Variants in ZGRF1 observed in about 807,000 individuals in gnomAD.
ZGRF1 encodes zinc finger GRF-type containing 1, also known as 5'-3' DNA helicase ZGRF1.
A neutral mutation model predicts 203.5 loss-of-function variants in ZGRF1; 196 were observed. The observed-to-expected ratio is 0.96, with a 90% CI of 0.86 to 1.08. The LOEUF (loss-of-function observed/expected upper bound fraction) is 1.08, where lower values mean the gene tolerates loss of function less well. Among genes scored for constraint, ZGRF1 ranks in the 50% least tolerant of loss-of-function variants. The pLI is 0.00. For missense variants in ZGRF1, 2,326 were observed against 2,416.3 expected (o/e 0.96, Z 0.78); for synonymous variants, 809 against 841.3 (o/e 0.96, Z 0.66).
At chr4:112,607,480 C>T (rs1270400895) in intron 8 of ZGRF1, among the ~76,000 whole-genome samples, 1 of 152,184 alleles carries the variant, frequency 6.6e-6, no homozygotes, top group Non-Finnish European at 1.5e-5. Flanking sequence ...AATTCGCATA[C>T]TACCTTCTCG....
At chr4:112,552,276 CAAA>C (rs893477924) in intron 22 of ZGRF1, among the ~76,000 whole-genome samples, 5 of 99,446 alleles carry the variant, frequency 5.0e-5, no homozygotes, top group Admixed American at 1.0e-4. Flanking sequence ...GACTCTGGCT[CAAA>C]AAAAAAAAAA....
At chr4:112,609,838 C>G (rs1751324415) in intron 7 of ZGRF1, among the ~76,000 whole-genome samples, 1 of 151,106 alleles carries the variant, frequency 6.6e-6, no homozygotes, top group Non-Finnish European at 1.5e-5. Flanking sequence ...AGAACACCAT[C>G]ACTAATATGA....
chr4:112,584,487 A>C (rs565092044), intron 14 of ZGRF1, among the ~76,000 whole-genome samples: 1 of 152,300 alleles, frequency 6.6e-6, no homozygotes, highest in South Asian at 2.1e-4. Context: ...TTATCCATTT[A>C]TTTCTATCCT....
intron 1 of ZGRF1, among the ~76,000 whole-genome samples, chr4:112,633,657 T>C (rs1425760132): frequency 6.6e-6 from 1 of 152,190 alleles, no homozygotes. Context: ...AGCATCAATA[T>C]ACCACAGTAT....
chr4:112,565,541 C>T, intron 16 of ZGRF1: 1 of 585,746 alleles, frequency 1.7e-6, no homozygotes, highest in Non-Finnish European at 3.0e-6. Context: ...AAAGAAACTA[C>T]CATCAGAGTG....
At chr4:112,636,363 G>C (rs569053211) in intron 1 of ZGRF1, among the ~76,000 whole-genome samples, 1 of 152,128 alleles carries the variant, frequency 6.6e-6, no homozygotes, top group East Asian at 1.9e-4. Context: ...TAAAGTATGA[G>C]CCATTATTCA....
Position 112,574,754 on chromosome 4 carries a change from G to A in ZGRF1, c.4438+6909C>T, listed in dbSNP as rs185738796. On this transcript the variant is annotated intron_variant, in intron 16 of 27. Transcript: ENST00000505019. ...CCTTTAAAAACACTCAATGCTGGCC[G>A]GGCATGGTGGCTCATGTCTGTAATC... Among the ~76,000 whole-genome samples, 519 of 152,198 alleles carry A rather than the reference G, an allele frequency of 3.4e-3. 3 individuals carry two copies. Among genetic ancestry groups the A allele is most frequent in the South Asian group, 9.9e-3 (48 of 4,828 alleles).
chr4:112,561,350 G>T (rs149822368), intron 18 of ZGRF1: 2 of 210,874 alleles, frequency 9.5e-6, no homozygotes, highest in Non-Finnish European at 1.9e-5. Flanking sequence ...AATAAGTGGC[G>T]GACTGACTTT....
intron 16 of ZGRF1, among the ~76,000 whole-genome samples, chr4:112,573,376 A>C (rs1744566479): frequency 6.6e-6 from 1 of 152,122 alleles, no homozygotes; most frequent in Non-Finnish European, 1.5e-5. Flanking sequence ...CATAATAATA[A>C]TACAATGGAC....
intron 6 of ZGRF1, among the ~76,000 whole-genome samples, chr4:112,613,309 A>G (rs1234622173): frequency 6.6e-6 from 1 of 152,160 alleles, no homozygotes. Flanking sequence ...AGAAAAAAAA[A>G]CAGCACTTCA....
chr4:112,557,184 T>A (rs2148875860), intron 20 of ZGRF1, among the ~76,000 whole-genome samples: 1 of 152,162 alleles, frequency 6.6e-6, no homozygotes, highest in East Asian at 1.9e-4. Flanking sequence ...TCTTTTTTTT[T>A]TTTTTGAGAC....
At chr4:112,551,233 G>A (rs1578684349) in intron 22 of ZGRF1, among the ~76,000 whole-genome samples, 2 of 152,258 alleles carry the variant, frequency 1.3e-5, no homozygotes, top group East Asian at 3.9e-4. Context: ...GGAGCAATAG[G>A]CTATACTATG....
In ZGRF1 at chr4:112,603,685, G is replaced by C. The variant is rs777585608; in HGVS notation, c.2815C>G (p.Gln939Glu). 1 of 1,612,904 alleles carries C rather than the reference G, an allele frequency of 6.2e-7. No homozygotes were observed. The highest frequency in any genetic ancestry group is 1.1e-5 in the South Asian group (1 of 90,904). Residue 939 changes from glutamine to glutamate, a missense_variant, in exon 10 of 28, where the codon CAA (glutamine) becomes GAA (glutamate). Coordinates refer to ENST00000505019, the MANE Select transcript of ZGRF1 (RefSeq NM_018392.5). ...KTCDPKPVEF[Q>E]GHQVKGSATS... ...GCTGATCCTTTTACTTGATGTCCTT[G>C]AAACTCAACAGGCTACAGGTAAATT...
At chr4:112,583,439 A>G (rs1746623101) in intron 15 of ZGRF1, among the ~76,000 whole-genome samples, 1 of 152,206 alleles carries the variant, frequency 6.6e-6, no homozygotes, top group Non-Finnish European at 1.5e-5. Flanking sequence ...AAGTTAGAAA[A>G]ATAGCACCCT....
intron 12 of ZGRF1, 115 bp from the exon 13 acceptor site, chr4:112,586,698 A>G (rs1167685687): frequency 1.2e-6 from 1 of 810,928 alleles, no homozygotes; most frequent in Non-Finnish European, 1.7e-6. Flanking sequence ...TTTGATTTCT[A>G]GGATCCTTGA....
chr4:112,631,000 G>C (rs1033630317), intron 3 of ZGRF1, among the ~76,000 whole-genome samples: 1 of 152,032 alleles, frequency 6.6e-6, no homozygotes, highest in African/African-American at 2.4e-5. Flanking sequence ...TGACCCTTGG[G>C]CAAGCTACTC....
chr4:112,596,936 G>A (rs1031841382), intron 10 of ZGRF1, among the ~76,000 whole-genome samples: 16 of 151,972 alleles, frequency 1.1e-4, no homozygotes, highest in Non-Finnish European at 2.2e-4. Context: ...TTTCTGTGCC[G>A]GGCACAGCAG....
In ZGRF1 at chr4:112,540,033, T is replaced by C; in HGVS notation, c.6002A>G (p.Lys2001Arg). The change falls in exon 27 of 28, where the codon AAG becomes AGG. Residue 2001 changes from lysine (K) to arginine (R), a missense_variant. Transcript: ENST00000505019. The part of the protein sequence containing the change: ...STVDAFQGAE[K>R]EIIILSCVRT... The stretch of plus-strand genomic sequence containing the variant: ...TACACAGGACAGAATAATGATCTCC[T>C]TTTCAGCTCCCTGAAAAGCATCTAC... 1.2e-6 allele frequency: 2 copies of C among 1,611,616 alleles called. No homozygotes were observed. The highest frequency in any genetic ancestry group is 1.7e-6 in the Non-Finnish European group (2 of 1,178,542).
chr4:112,572,617 C>A (rs1183235995), intron 16 of ZGRF1, among the ~76,000 whole-genome samples: 3 of 152,134 alleles, frequency 2.0e-5, no homozygotes, highest in African/African-American at 7.2e-5. Flanking sequence ...AAACAGACAA[C>A]CCACAGAGTG....
Sources: allele counts gnomAD v4.1 joint callset (sites outside exome capture counted in the v4.1 genomes callset), GRCh38; gene constraint gnomAD v4.1.1; transcripts MANE v1.5; gene names NCBI Gene and HGNC (gene_info 2026-07-23, HGNC 2026-07-21).